Variants in MIDEAS observed in about 807,000 individuals in gnomAD.
MIDEAS encodes mitotic deacetylase associated SANT domain protein, also known as mitotic deacetylase-associated SANT domain protein.
A neutral mutation model predicts 102.7 loss-of-function variants in MIDEAS; 26 were observed. The ratio of observed to expected loss-of-function variants is 0.25; its 90% CI spans 0.19 to 0.35. The LOEUF is 0.35. MIDEAS is among the 10% of genes least tolerant of loss of function. The probability of loss-of-function intolerance (pLI) is 1.00; values close to 1 mark genes in which losing one functional copy is unlikely to be tolerated. For synonymous variants in MIDEAS, 585 were observed against 591.0 expected (o/e 0.99, Z 0.15); for missense variants, 1,231 against 1,435.6 (o/e 0.86, Z 2.30).
chr14:73,774,323 A>C lies in MIDEAS; in HGVS notation c.-248+12779T>G, dbSNP rs146563614. ...ACTGCACCCTGCAATTACTGTCAGG[A>C]GGATGCATTCTTCCTCGCAGGAACA... On this transcript the variant is annotated intron_variant, in intron 1 of 11. Coordinates refer to the MIDEAS transcript ENST00000394071. Among the ~76,000 whole-genome samples, 283 of 151,990 alleles carry C rather than the reference A, an allele frequency of 1.9e-3. 5 individuals are homozygous for C. The highest frequency in any genetic ancestry group is 3.1e-3 in the Non-Finnish European group (211 of 67,910).
chr14:73,729,946 C>A lies in MIDEAS; in HGVS notation c.1789G>T (p.Val597Leu). 3 of 1,601,068 alleles carry A rather than the reference C, an allele frequency of 1.9e-6. No individual in the cohort carries two copies. The highest frequency in any genetic ancestry group is 1.1e-5 in the South Asian group (1 of 89,982). The change falls in exon 4 of 13, where the codon GTG (valine) becomes TTG (leucine). Residue 597 changes from valine (V) to leucine (L), a missense_variant. By Grantham distance (32) the Val-to-Leu change is conservative. Coordinates refer to ENST00000423556, the MANE Select transcript of MIDEAS (RefSeq NM_001367710.1). ...MNVKLEGEPS[V>L]RKPKQRPRPE... ...CTGGGCCGCTGCTTTGGTTTCCGCA[C>A]GGAAGGCTCCCCCTCCAACTTGACA...
At chr14:73,722,268 T>C (rs2053004936) in intron 10 of MIDEAS, 2 of 155,678 alleles carry the variant, frequency 1.3e-5, no homozygotes, top group Admixed American at 1.3e-4. Context: ...ACTTCCCTTC[T>C]GAGTAAAAAA....
rs565900318 is a variant in MIDEAS, at chr14:73,716,781, G to C, written c.*2062C>G. 6.6e-6 allele frequency: 1 copy of C among 151,440 alleles called. No homozygotes were observed. Among genetic ancestry groups the C allele is most frequent in the Non-Finnish European group, 1.5e-5 (1 of 67,912 alleles). The allele number at this position is 151,440 out of a possible 1,614,324, so 9.4% of individuals were successfully genotyped here. A position where few individuals can be genotyped will look rare whatever the true frequency, so the allele number is the denominator to read the frequency against. On this transcript the variant is annotated 3_prime_UTR_variant, in exon 13 of 13. Coordinates refer to ENST00000423556, the MANE Select transcript of MIDEAS (RefSeq NM_001367710.1). ...ATGAATGATGGAGGTTTCTGTTACC[G>C]TATGCCCATAAAGGGGCCTGAAACC... is the stretch of plus-strand genomic sequence containing the variant.
In MIDEAS at chr14:73,740,307, C is replaced by T. The variant is rs1595270314; in HGVS notation, c.-247-52G>A. The T allele has an allele frequency of 1.0e-4, 42 of 400,896 alleles. No individual in the cohort carries two copies. In the East Asian group the frequency reaches 1.5e-3, roughly 14 times the overall value. The allele number at this position is 400,896 out of a possible 1,614,324, so 24.8% of individuals were successfully genotyped here. On this transcript the variant is annotated intron_variant, in intron 1 of 12. Transcript: ENST00000423556. ...TCAGCCACAGCCTCCCAGGATGCCC[C>T]GAACATCAGCACAAGTGTAAGAAAA... is the stretch of plus-strand genomic sequence containing the variant.
chr14:73,756,300 G>A (rs1408800388), intron 1 of MIDEAS, among the ~76,000 whole-genome samples: 7 of 104,586 alleles, frequency 6.7e-5, no homozygotes, highest in African/African-American at 2.0e-4. Flanking sequence ...GTGTGTGCGC[G>A]CGCGCGTGCG....
At chr14:73,782,768 A>C (rs768310486) in intron 1 of MIDEAS, among the ~76,000 whole-genome samples, 1 of 152,190 alleles carries the variant, frequency 6.6e-6, no homozygotes, top group African/African-American at 2.4e-5. Context: ...GGGCAGGCTG[A>C]CTGGGACAAA....
chr14:73,737,515 A>T (rs559326643), intron 2 of MIDEAS, among the ~76,000 whole-genome samples: 1 of 152,132 alleles, frequency 6.6e-6, no homozygotes, highest in South Asian at 2.1e-4. Context: ...GGTCCCAGCT[A>T]CTTGGGAGGC....
chr14:73,741,280 G>A (rs541944110), intron 1 of MIDEAS, among the ~76,000 whole-genome samples: 1 of 152,304 alleles, frequency 6.6e-6, no homozygotes, highest in South Asian at 2.1e-4. Context: ...CTACAGAACA[G>A]AATCTAGACC....
upstream of MIDEAS, among the ~76,000 whole-genome samples, chr14:73,764,891 A>T (rs1323844338): frequency 4.6e-5 from 7 of 151,882 alleles, no homozygotes; most frequent in Non-Finnish European, 8.8e-5. Context: ...TGCCTTTGTC[A>T]GGCCTGAGAA....
At chr14:73,787,070 T>A (rs2053819553) in intron 1 of MIDEAS, 1 of 149,776 alleles carries the variant, frequency 6.7e-6, no homozygotes, top group Non-Finnish European at 1.5e-5. Flanking sequence ...CGGCGCCCGG[T>A]GGCGGGAGGG....
rs200644609 is a variant in MIDEAS, at chr14:73,739,715, G to A, written c.294C>T (p.Pro98=). 7 of 1,613,932 alleles carry A rather than the reference G, an allele frequency of 4.3e-6. No individual in the cohort carries two copies. The highest frequency in any genetic ancestry group is 3.3e-5 in the Admixed American group (2 of 60,012). Reference sequence around the variant, plus strand: ...CCCGCCCTGGAGCCATCACAGAGTTGGGCCACTTTACTGAGGCCACCTGCT... The same window carrying A: ...CCCGCCCTGGAGCCATCACAGAGTTAGGCCACTTTACTGAGGCCACCTGCT... ...LSQQVASVKW[P]NSVMAPGRGP... is the part of the protein sequence containing the mutation. The change falls in exon 2 of 13, where the codon CCC becomes CCT. Residue 98 remains proline, a synonymous_variant. Transcript: ENST00000423556.
At position 73,742,552 on chromosome 14, in the gene MIDEAS, T is replaced by C. The variant is rs1045812468; in HGVS notation, c.-247-2297A>G. On this transcript the variant is annotated intron_variant, in intron 1 of 12. Coordinates refer to ENST00000423556, the MANE Select transcript of MIDEAS (RefSeq NM_001367710.1). This position sits in a 1 kb window ranked among gnomAD's most constrained non-coding sequence, Gnocchi z 4.4. ...CAGCCCTGGAGGAGCTGAGCTCAGC[T>C]GGGAAGCCTCCCACTCCCACCCTGC... Among the ~76,000 whole-genome samples, 28 of 152,202 alleles carry C rather than the reference T, an allele frequency of 1.8e-4. No individual in the cohort carries two copies. Among genetic ancestry groups the C allele is most frequent in the African/African-American group, 5.3e-4 (22 of 41,458 alleles).
chr14:73,756,267 A>AGAGTGTGTGTGTGTGT (rs1555344782), intron 1 of MIDEAS, among the ~76,000 whole-genome samples: 10 of 141,134 alleles, frequency 7.1e-5, no homozygotes, highest in African/African-American at 2.6e-4. Context: ...AGCCCATGTC[A>AGAGTGTGTGTGTGTGT]GTGTGTGTGT....
rs570480181 is a variant in MIDEAS at position 73,725,178 on chromosome 14, C to G, written c.2574+94G>C. The G allele has an allele frequency of 1.1e-6, 1 of 950,674 alleles. No individual in the cohort carries two copies. The highest frequency in any genetic ancestry group is 1.6e-5 in the African/African-American group (1 of 62,186). 58.9% of individuals were successfully genotyped at this position (950,674 alleles called of 1,614,324 possible). A position where few individuals can be genotyped will look rare whatever the true frequency, so the allele number is the denominator to read the frequency against. On this transcript the variant is annotated intron_variant, in intron 9 of 12. Coordinates refer to ENST00000423556, the MANE Select transcript of MIDEAS (RefSeq NM_001367710.1). This position sits in a 1 kb window ranked among gnomAD's most constrained non-coding sequence, Gnocchi z 4.1. ...CTACTCAGTAGCATTGACCTGACTG[C>G]TTTTTAAGAGGGATTGGTCACTGGC... is the stretch of plus-strand genomic sequence containing the variant.
intron 1 of MIDEAS, among the ~76,000 whole-genome samples, chr14:73,781,802 C>T (rs904471229): frequency 5.4e-5 from 8 of 148,136 alleles, no homozygotes; most frequent in Admixed American, 3.4e-4. Context: ...AATCTCAACA[C>T]TTTTTGAGGT....
chr14:73,787,222 TGCGGCCCGGGCTGTGCG>T (rs1281017366), exon 1 of MIDEAS: 2 of 148,400 alleles, frequency 1.3e-5, no homozygotes, highest in African/African-American at 4.9e-5. Context: ...GAGCGGGCGG[TGCGGCCCGGGCTGTGCG>T]GCCCGGGCTG....
In MIDEAS at chr14:73,727,462, C is replaced by T. The variant is rs915599025; in HGVS notation, c.2158G>A (p.Glu720Lys). Residue 720 changes from glutamate to lysine, a missense_variant, in exon 5 of 13, where the codon GAG becomes AAG. Glu to Lys is a moderately conservative substitution (Grantham distance 56). Transcript: ENST00000423556. ...CAGGGGCAGGGCTGCACTTACGGCTCGATGCTCACTGGGGTGGCCTCCCCC... is the reference window on the plus strand; with the variant it reads ...CAGGGGCAGGGCTGCACTTACGGCTTGATGCTCACTGGGGTGGCCTCCCCC... ...VMGEATPVSIEPRINVGSRFQ... is the reference protein window; with the variant it reads ...VMGEATPVSIKPRINVGSRFQ... 4 of 1,613,834 alleles carry T rather than the reference C, an allele frequency of 2.5e-6. No individual in the cohort carries two copies. Among genetic ancestry groups the T allele is most frequent in the Non-Finnish European group, 3.4e-6 (4 of 1,179,982 alleles).
chr14:73,769,875 C>A (rs2053626202), intron 1 of MIDEAS, among the ~76,000 whole-genome samples: 1 of 148,884 alleles, frequency 6.7e-6, no homozygotes, highest in African/African-American at 2.5e-5. Flanking sequence ...GCTGGGATTA[C>A]AGGTGTGAGC....
chr14:73,776,085 C>T (rs903067793), intron 1 of MIDEAS, among the ~76,000 whole-genome samples: 1 of 151,974 alleles, frequency 6.6e-6, no homozygotes, highest in African/African-American at 2.4e-5. Flanking sequence ...CGCAAACACC[C>T]TGTGGCCCCA....
Sources: gnomAD v4.1 joint callset for allele counts (sites outside exome capture counted in the v4.1 genomes callset) on GRCh38, gnomAD v4.1.1 for gene constraint, Gnocchi (gnomAD v3.1) non-coding constraint, MANE v1.5 for transcripts, NCBI Gene and HGNC (gene_info 2026-07-23, HGNC 2026-07-21) for gene names.